Variants in PGCKA1 observed in about 807,000 individuals in gnomAD.
The protein encoded by PGCKA1 is PDCD10 and GCKIII kinases associated 1.
At chr4:37,590,457 A>G in the PGCKA1 span, 1 of 1,610,430 alleles carries the variant, frequency 6.2e-7, no homozygotes, top group African/African-American at 1.3e-5. Context: ...CCCCAACTCA[A>G]CCCTTCCTGG....
the PGCKA1 span, among the ~76,000 whole-genome samples, chr4:37,571,032 G>A: frequency 1.3e-5 from 2 of 152,256 alleles, no homozygotes; most frequent in East Asian, 1.9e-4. Flanking sequence ...TCATTCCCAC[G>A]TGTCATTCAG....
the PGCKA1 span, among the ~76,000 whole-genome samples, chr4:37,582,241 T>C: frequency 6.6e-5 from 10 of 152,166 alleles, no homozygotes; most frequent in African/African-American, 2.2e-4. Context: ...TACCTGATTT[T>C]TGGTTCTTAT....
chr4:37,547,644 A>C, the PGCKA1 span, among the ~76,000 whole-genome samples: 2 of 152,182 alleles, frequency 1.3e-5, no homozygotes, highest in African/African-American at 4.8e-5. Flanking sequence ...CTGTAAGCCA[A>C]GGCACCCAGA....
the PGCKA1 span, among the ~76,000 whole-genome samples, chr4:37,569,169 G>A: frequency 6.6e-6 from 1 of 151,910 alleles, no homozygotes; most frequent in Non-Finnish European, 1.5e-5. Flanking sequence ...ATGGCTAGGA[G>A]GTAAGAAGTG....
At chr4:37,505,099 T>C in the PGCKA1 span, among the ~76,000 whole-genome samples, 45 of 152,344 alleles carry the variant, frequency 3.0e-4, no homozygotes, top group African/African-American at 1.1e-3. Context: ...ATTCCCTCAA[T>C]ACCCAGTTTC....
chr4:37,531,128 C>T, the PGCKA1 span, among the ~76,000 whole-genome samples: 1 of 152,204 alleles, frequency 6.6e-6, no homozygotes, highest in African/African-American at 2.4e-5. Flanking sequence ...TTATTGACAT[C>T]TACTTTATCT....
chr4:37,512,579 G>T, the PGCKA1 span, among the ~76,000 whole-genome samples: 41 of 150,408 alleles, frequency 2.7e-4, no homozygotes, highest in Admixed American at 2.6e-3. Flanking sequence ...TCATCCTCCC[G>T]AATAGCTGGG....
chr4:37,479,775 G>T, the PGCKA1 span, among the ~76,000 whole-genome samples: 1 of 152,132 alleles, frequency 6.6e-6, no homozygotes, highest in Non-Finnish European at 1.5e-5. Flanking sequence ...TCTCATCCTG[G>T]AAGCAAAGGG....
chr4:37,577,372 T>C, the PGCKA1 span, among the ~76,000 whole-genome samples: 1 of 152,142 alleles, frequency 6.6e-6, no homozygotes, highest in South Asian at 2.1e-4. Context: ...TAATTGTTCA[T>C]AGTAGCCACT....
the PGCKA1 span, among the ~76,000 whole-genome samples, chr4:37,560,664 G>C: frequency 6.6e-6 from 1 of 152,048 alleles, no homozygotes; most frequent in South Asian, 2.1e-4. Context: ...GAAACTCACA[G>C]CTTACAGTCT....
At chr4:37,571,081 C>T in the PGCKA1 span, among the ~76,000 whole-genome samples, 14 of 152,286 alleles carry the variant, frequency 9.2e-5, 1 homozygote, top group Middle Eastern at 3.4e-3. Flanking sequence ...TGAAGTGCCC[C>T]ATACAAGCTA....
the PGCKA1 span, among the ~76,000 whole-genome samples, chr4:37,472,003 T>G: frequency 6.6e-6 from 1 of 152,180 alleles, no homozygotes; most frequent in Non-Finnish European, 1.5e-5. Context: ...GTGATTAATA[T>G]GTATGGCTAC....
At chr4:37,559,730 A>T in the PGCKA1 span, among the ~76,000 whole-genome samples, 3 of 152,260 alleles carry the variant, frequency 2.0e-5, no homozygotes, top group African/African-American at 7.2e-5. Flanking sequence ...GGTACTGTGA[A>T]TACAGACCTT....
the PGCKA1 span, among the ~76,000 whole-genome samples, chr4:37,464,027 A>G: frequency 6.6e-6 from 1 of 152,168 alleles, no homozygotes; most frequent in Non-Finnish European, 1.5e-5. Flanking sequence ...GTCAGAAATT[A>G]TGAGATTCAT....
At chr4:37,569,979 CTTTT>C in the PGCKA1 span, among the ~76,000 whole-genome samples, 4 of 119,274 alleles carry the variant, frequency 3.4e-5, no homozygotes, top group Non-Finnish European at 3.3e-5. Context: ...GCATATAATC[CTTTT>C]TTTTTTTTTT....
the PGCKA1 span, among the ~76,000 whole-genome samples, chr4:37,492,835 C>T: frequency 6.6e-6 from 1 of 152,150 alleles, no homozygotes; most frequent in Admixed American, 6.5e-5. This position sits in a 1 kb window ranked among gnomAD's most constrained non-coding sequence, Gnocchi z 4.7. Context: ...CAGCCTCCTA[C>T]TCTGCCTGAG....
chr4:37,491,687 G>T, the PGCKA1 span, among the ~76,000 whole-genome samples: 1 of 151,898 alleles, frequency 6.6e-6, no homozygotes, highest in African/African-American at 2.4e-5. Context: ...GGCACTCAGT[G>T]GTCCTTTGAA....
At chr4:37,456,135 G>A in the PGCKA1 span, among the ~76,000 whole-genome samples, 1 of 152,184 alleles carries the variant, frequency 6.6e-6, no homozygotes, top group Non-Finnish European at 1.5e-5. Context: ...TAGGTGTGTA[G>A]AAAAGAGTTG....
the PGCKA1 span, among the ~76,000 whole-genome samples, chr4:37,514,364 A>G: frequency 3.9e-5 from 6 of 152,328 alleles, no homozygotes; most frequent in East Asian, 1.9e-4. Context: ...TATTCAAACC[A>G]TAGCAGTTTC....
Sources: gnomAD v4.1 joint callset for allele counts (sites outside exome capture counted in the v4.1 genomes callset) on GRCh38, gnomAD v4.1.1 for gene constraint, Gnocchi (gnomAD v3.1) non-coding constraint, MANE v1.5 for transcripts, NCBI Gene and HGNC (gene_info 2026-07-23, HGNC 2026-07-21) for gene names.